ZC3H12B: variants seen among roughly 807,000 people sequenced by gnomAD.
ZC3H12B encodes the protein zinc finger CCCH-type containing 12B.
Under a neutral mutation model 43.9 loss-of-function variants are expected in ZC3H12B, and 7 were observed. The ratio of observed to expected loss-of-function variants is 0.16; its 90% CI spans 0.09 to 0.30. ZC3H12B has a LOEUF of 0.30. Ranked by LOEUF, ZC3H12B falls within the 10% of genes least tolerant of loss-of-function variation. The pLI, the probability that ZC3H12B is intolerant of heterozygous loss-of-function variation, is 1.00. For synonymous variants in ZC3H12B, 222 were observed against 241.7 expected (o/e 0.92, Z 0.76); for missense variants, 475 against 670.2 (o/e 0.71, Z 3.22).
At chrX:65,382,418 A>T (rs1001780005) in intron 2 of ZC3H12B, among the ~76,000 whole-genome samples, 1 of 110,871 alleles carries the variant, frequency 9.0e-6, no homozygotes. Flanking sequence ...CATGCTAAAA[A>T]CTCTCAATAA....
the ZC3H12B span, among the ~76,000 whole-genome samples, chrX:65,119,063 G>A: frequency 1.8e-5 from 2 of 110,992 alleles, no homozygotes; most frequent in African/African-American, 6.6e-5. Flanking sequence ...TGGACATTTG[G>A]GTTGGTTCCA....
chrX:65,303,545 T>A, the ZC3H12B span, among the ~76,000 whole-genome samples: 2 of 111,940 alleles, frequency 1.8e-5, no homozygotes, highest in Non-Finnish European at 3.8e-5. Context: ...AAACTTTCTT[T>A]ACCTTCTTTG....
At chrX:65,312,020 G>A in the ZC3H12B span, among the ~76,000 whole-genome samples, 2 of 111,403 alleles carry the variant, frequency 1.8e-5, no homozygotes, top group South Asian at 3.8e-4. Context: ...GGGAGGGATA[G>A]CATTAGGAAA....
intron 3 of ZC3H12B, chrX:65,408,365 T>C: frequency 8.3e-7 from 1 of 1,204,810 alleles, no homozygotes. Flanking sequence ...AGTCATCCCA[T>C]TTCTGTCTCA....
chrX:65,432,910 T>C (rs1309087573), intron 3 of ZC3H12B, among the ~76,000 whole-genome samples: 1 of 111,984 alleles, frequency 8.9e-6, no homozygotes, highest in Admixed American at 9.5e-5. Context: ...ACCAGTGTGG[T>C]ATCTAGTGGA....
chrX:65,207,249 T>TACACAC, the ZC3H12B span, among the ~76,000 whole-genome samples: 75 of 103,385 alleles, frequency 7.3e-4, no homozygotes, highest in South Asian at 7.7e-3. Flanking sequence ...TGTGTGTATA[T>TACACAC]ATACACACAC....
At chrX:65,295,216 A>G in the ZC3H12B span, among the ~76,000 whole-genome samples, 43 of 111,798 alleles carry the variant, frequency 3.8e-4, no homozygotes, top group Non-Finnish European at 7.5e-4. Flanking sequence ...TTCTCAGGCT[A>G]TAGTGGAATA....
At chrX:65,139,151 A>T in the ZC3H12B span, among the ~76,000 whole-genome samples, 1 of 112,117 alleles carries the variant, frequency 8.9e-6, no homozygotes, top group East Asian at 2.8e-4. Flanking sequence ...ATTACATTCA[A>T]GTAATCATTG....
the ZC3H12B span, among the ~76,000 whole-genome samples, chrX:65,260,241 T>A: frequency 3.6e-5 from 4 of 110,069 alleles, no homozygotes; most frequent in Non-Finnish European, 7.6e-5. Flanking sequence ...TTTTAAGCAG[T>A]AGCATTCATT....
chrX:65,450,921 A>G lies in ZC3H12B; in HGVS notation n.408-37725A>G, dbSNP rs1278349894. 5.1e-5 allele frequency among the ~76,000 whole-genome samples: 5 copies of G among 97,463 alleles called. No homozygotes were observed. In the East Asian group the frequency reaches 1.6e-3, roughly 31 times the overall value. 84.6% of individuals were successfully genotyped at this position (97,463 alleles called of 115,157 possible). A position where few individuals can be genotyped will look rare whatever the true frequency, so the allele number is the denominator to read the frequency against. On this transcript the variant is annotated intron_variant and non_coding_transcript_variant, in intron 3 of 5. Coordinates refer to the ZC3H12B transcript ENST00000617377. ...TATATATACATATATACACACACAC[A>G]CATATATATATATACACATACATAT...
the ZC3H12B span, among the ~76,000 whole-genome samples, chrX:65,193,404 A>G: frequency 5.7e-4 from 63 of 111,281 alleles, no homozygotes; most frequent in Non-Finnish European, 1.0e-3. Context: ...CTTGCTTCTA[A>G]ATTTTCCAAT....
the ZC3H12B span, among the ~76,000 whole-genome samples, chrX:65,218,737 C>G: frequency 1.8e-5 from 2 of 111,474 alleles, no homozygotes; most frequent in African/African-American, 6.5e-5. Context: ...TCTACCCACC[C>G]TGGTAGCAAA....
the ZC3H12B span, among the ~76,000 whole-genome samples, chrX:65,227,360 A>G: frequency 1.8e-5 from 2 of 111,854 alleles, no homozygotes; most frequent in African/African-American, 6.5e-5. Context: ...ACATACCAGA[A>G]TCTCTAGGAC....
the ZC3H12B span, among the ~76,000 whole-genome samples, chrX:65,112,943 C>T: frequency 8.9e-6 from 1 of 111,845 alleles, no homozygotes; most frequent in Non-Finnish European, 1.9e-5. Context: ...TCTGATGGAT[C>T]TTGGAAAAAT....
At chrX:65,330,047 C>T in the ZC3H12B span, among the ~76,000 whole-genome samples, 1 of 111,444 alleles carries the variant, frequency 9.0e-6, no homozygotes, top group African/African-American at 3.3e-5. Context: ...TTTTTGGTTC[C>T]ATATGAACTT....
the ZC3H12B span, among the ~76,000 whole-genome samples, chrX:65,145,197 T>G: frequency 4.5e-5 from 5 of 110,048 alleles, no homozygotes; most frequent in South Asian, 2.0e-3. Context: ...ATTTTCCTGT[T>G]GGACAAGGCC....
At chrX:65,105,634 G>T in the ZC3H12B span, among the ~76,000 whole-genome samples, 1 of 111,170 alleles carries the variant, frequency 9.0e-6, no homozygotes, top group Non-Finnish European at 1.9e-5. Context: ...CAGAGAATCT[G>T]GGGAAATTTG....
the ZC3H12B span, among the ~76,000 whole-genome samples, chrX:65,215,860 G>T: frequency 9.0e-6 from 1 of 111,338 alleles, no homozygotes; most frequent in Non-Finnish European, 1.9e-5. Context: ...ACACTTAGAG[G>T]CTGTTATAGG....
At chrX:65,082,210 G>C in the ZC3H12B span, among the ~76,000 whole-genome samples, 1 of 110,715 alleles carries the variant, frequency 9.0e-6, no homozygotes, top group East Asian at 2.8e-4. Context: ...TCATCTTAAA[G>C]GACTAGAAAA....
Sources: allele counts gnomAD v4.1 joint callset (sites outside exome capture counted in the v4.1 genomes callset), GRCh38; gene constraint gnomAD v4.1.1; transcripts MANE v1.5; gene names NCBI Gene and HGNC (gene_info 2026-07-23, HGNC 2026-07-21).